The following SAMD13 variants were observed in gnomAD, a reference collection of about 807,000 sequenced individuals.
SAMD13 encodes the protein sterile alpha motif domain-containing protein 13.
A neutral mutation model predicts 12.4 loss-of-function variants in SAMD13; 9 were observed. That is an observed-to-expected ratio of 0.72 (90% confidence interval 0.44 to 1.26). The LOEUF (loss-of-function observed/expected upper bound fraction) is 1.26. Ranked by LOEUF, SAMD13 falls within the 50% of genes most tolerant of loss-of-function variation. SAMD13 has a pLI of 0.00. For missense variants in SAMD13, 84 were observed against 119.6 expected (o/e 0.70, Z 1.39); for synonymous variants, 46 against 45.4 (o/e 1.01, Z -0.05).
intron 2 of SAMD13, among the ~76,000 whole-genome samples, chr1:84,304,813 T>C (rs1678532185): frequency 6.6e-6 from 1 of 152,130 alleles, no homozygotes; most frequent in Non-Finnish European, 1.5e-5. Context: ...CATAATTAAT[T>C]TGGGATTTAT....
upstream of SAMD13, chr1:84,299,657 G>GTATA (rs143143145): frequency 0.34 from 224,638 of 663,112 alleles, 21,844 homozygotes; most frequent in Middle Eastern, 0.39. Context: ...GAGTACTAGT[G>GTATA]TATATATATA....
At chr1:84,302,541 T>TACACACACACACAC (rs58540263) in intron 1 of SAMD13, 2 of 203,404 alleles carry the variant, frequency 9.8e-6, no homozygotes, top group African/African-American at 5.0e-5. Context: ...TTCTTACACA[T>TACACACACACACAC]ACACACACAC....
chr1:84,320,731 G>T (rs1025440063), intron 2 of SAMD13, among the ~76,000 whole-genome samples: 2 of 152,214 alleles, frequency 1.3e-5, no homozygotes, highest in Admixed American at 1.3e-4. Flanking sequence ...GCACTGCTCA[G>T]TGTAAAAATA....
chr1:84,326,828 C>T (rs536909124), intron 3 of SAMD13, among the ~76,000 whole-genome samples: 12 of 152,254 alleles, frequency 7.9e-5, no homozygotes, highest in Admixed American at 1.3e-4. Flanking sequence ...AAATTGCACA[C>T]GCCAATTTCT....
intron 3 of SAMD13, among the ~76,000 whole-genome samples, chr1:84,333,588 G>C (rs1441216334): frequency 2.0e-5 from 3 of 152,086 alleles, no homozygotes; most frequent in Non-Finnish European, 4.4e-5. Flanking sequence ...AAACTTTGTT[G>C]AAGTTGTTTA....
chr1:84,309,799 A>G (rs1450371264), intron 2 of SAMD13, among the ~76,000 whole-genome samples: 1 of 152,208 alleles, frequency 6.6e-6, no homozygotes, highest in Non-Finnish European at 1.5e-5. Context: ...TGGCCAATTA[A>G]CATATGAAGA....
At chr1:84,319,726 A>G (rs114061959) in intron 2 of SAMD13, among the ~76,000 whole-genome samples, 11 of 152,308 alleles carry the variant, frequency 7.2e-5, no homozygotes, top group African/African-American at 2.6e-4. Flanking sequence ...GCTGTTTGTA[A>G]GATCCTTTGT....
intron 2 of SAMD13, among the ~76,000 whole-genome samples, chr1:84,324,351 A>G (rs1349040709): frequency 1.3e-5 from 2 of 152,152 alleles, no homozygotes; most frequent in African/African-American, 4.8e-5. Context: ...TTTCTGTCAC[A>G]GGGCCTGGAA....
intron 3 of SAMD13, among the ~76,000 whole-genome samples, chr1:84,337,438 G>T (rs1306259210): frequency 6.6e-6 from 1 of 152,208 alleles, no homozygotes; most frequent in Admixed American, 6.5e-5. Context: ...CATGGAAGCT[G>T]CCAAAGCTTG....
chr1:84,330,849 G>C (rs941650691), intron 3 of SAMD13, among the ~76,000 whole-genome samples: 2 of 152,080 alleles, frequency 1.3e-5, no homozygotes, highest in Admixed American at 1.3e-4. Context: ...AACATTCATG[G>C]TTTTATTTCT....
chr1:84,344,027 A>G (rs1318219658), intron 3 of SAMD13, among the ~76,000 whole-genome samples: 1 of 147,056 alleles, frequency 6.8e-6, no homozygotes, highest in Non-Finnish European at 1.5e-5. Context: ...GGCCTTATGT[A>G]TTTTCCTTCA....
chr1:84,325,578 C>A, intron 2 of SAMD13, 59 bp from the exon 3 acceptor site: 5 of 1,039,038 alleles, frequency 4.8e-6, no homozygotes, highest in Non-Finnish European at 7.6e-6. Context: ...CATTTGTGAG[C>A]CTGGCCACAC....
In SAMD13 at chr1:84,311,669, TG is replaced by T. The variant is rs537743310; in HGVS notation, c.53+8384del. On this transcript the variant is annotated intron_variant, in intron 2 of 3. Coordinates refer to ENST00000394834, the MANE Select transcript of SAMD13 (RefSeq NM_001134663.2). ...GTGGAATGAAGCAGTAAGAAAACAC[TG>T]GTCTTTTTGTTTTAAAATTACAACA... Among the ~76,000 whole-genome samples, 159 of 152,318 alleles carry T rather than the reference TG, an allele frequency of 1.0e-3. No homozygotes were observed. The Middle Eastern group carries it at 0.02, about 20-fold the overall frequency.
upstream of SAMD13, chr1:84,298,640 C>G: frequency 8.1e-7 from 1 of 1,229,142 alleles, no homozygotes; most frequent in Non-Finnish European, 1.0e-6. Flanking sequence ...TGAAAGGAAA[C>G]GAAGAATGCC....
At chr1:84,319,347 C>T (rs553089036) in intron 2 of SAMD13, among the ~76,000 whole-genome samples, 1 of 151,978 alleles carries the variant, frequency 6.6e-6, no homozygotes, top group Non-Finnish European at 1.5e-5. Flanking sequence ...TGTTCTTGGC[C>T]AGGTGCAGTG....
intron 2 of SAMD13, among the ~76,000 whole-genome samples, chr1:84,315,076 T>C (rs1484878589): frequency 1.3e-5 from 2 of 151,374 alleles, no homozygotes; most frequent in East Asian, 3.9e-4. Flanking sequence ...TTTTCTTCTC[T>C]TTCTTTTTTA....
chr1:84,342,851 C>A (rs186719962), intron 3 of SAMD13, among the ~76,000 whole-genome samples: 4 of 152,066 alleles, frequency 2.6e-5, no homozygotes, highest in Admixed American at 2.0e-4. Flanking sequence ...CAAAAATTGA[C>A]AAATGGGATC....
At chr1:84,330,043 G>A (rs1679142315) in intron 3 of SAMD13, among the ~76,000 whole-genome samples, 1 of 152,164 alleles carries the variant, frequency 6.6e-6, no homozygotes, top group Non-Finnish European at 1.5e-5. Context: ...CAGACACTGT[G>A]GTGTGGGGGC....
At chr1:84,312,909 A>G (rs980001186) in intron 2 of SAMD13, among the ~76,000 whole-genome samples, 2 of 152,180 alleles carry the variant, frequency 1.3e-5, no homozygotes, top group Non-Finnish European at 2.9e-5. Flanking sequence ...GAAATGTTAT[A>G]TGAACATAAG....
Sources: allele counts gnomAD v4.1 joint callset (sites outside exome capture counted in the v4.1 genomes callset), GRCh38; gene constraint gnomAD v4.1.1; transcripts MANE v1.5; gene names NCBI Gene and HGNC (gene_info 2026-07-23, HGNC 2026-07-21).